Variants in LRP2 observed in about 807,000 individuals in gnomAD.
LRP2 encodes low-density lipoprotein receptor-related protein 2.
In LRP2, 172 loss-of-function variants were observed where a neutral mutation model predicts 531.0. That is an observed-to-expected ratio of 0.32 (90% CI 0.29 to 0.37). The LOEUF is 0.37. Ranked by LOEUF, LRP2 falls within the 10% of genes least tolerant of loss-of-function variation. The pLI, the probability that LRP2 is intolerant of heterozygous loss-of-function variation, is 1.00. For synonymous variants in LRP2, 1,992 were observed against 2,027.6 expected (o/e 0.98, Z 0.47); for missense variants, 5,167 against 5,868.3 (o/e 0.88, Z 3.90).
chr2:169,236,132 T>G (rs1033076864), intron 28 of LRP2, 64 bp from the exon 29 acceptor site: 6 of 1,147,254 alleles, frequency 5.2e-6, no homozygotes, highest in Non-Finnish European at 7.7e-6. Flanking sequence ...TAACTGTCAT[T>G]TTAAATAATA....
chr2:169,362,225 C>G, intron 1 of LRP2, 96 bp downstream of exon 1: 2 of 1,116,262 alleles, frequency 1.8e-6, no homozygotes, highest in Non-Finnish European at 2.6e-6. Context: ...GCCCTAGCCC[C>G]TGCCCGGACG....
intron 1 of LRP2, among the ~76,000 whole-genome samples, chr2:169,328,966 G>A (rs1206819922): frequency 6.6e-6 from 1 of 152,172 alleles, no homozygotes; most frequent in Non-Finnish European, 1.5e-5. Context: ...TCATAGATGA[G>A]GACGACAAGG....
intron 9 of LRP2, among the ~76,000 whole-genome samples, chr2:169,284,621 T>A (rs1333312239): frequency 6.6e-6 from 1 of 151,992 alleles, no homozygotes; most frequent in Non-Finnish European, 1.5e-5. Flanking sequence ...CATAACAACA[T>A]GAGCCAGCAT....
chr2:169,289,240 A>G, intron 8 of LRP2, 95 bp from the exon 9 acceptor site: 1 of 1,484,220 alleles, frequency 6.7e-7, no homozygotes, highest in Non-Finnish European at 9.4e-7. Context: ...GCAGCTCAGT[A>G]AGCATGAAGT....
chr2:169,246,523 C>G (rs1282123947), intron 21 of LRP2, among the ~76,000 whole-genome samples, 182 bp downstream of exon 21: 1 of 152,194 alleles, frequency 6.6e-6, no homozygotes, highest in Non-Finnish European at 1.5e-5. Flanking sequence ...AGAAACCATC[C>G]ATAACATTAT....
rs962544275 is a variant in LRP2 at position 169,176,317 on chromosome 2, T to A, written c.10571+94A>T. ...ACCAAGTTAATTAACCAAAATCTTG[T>A]CTCACTAGAAAACTCCCATCCCTTG... On this transcript the variant is annotated intron_variant, in intron 54 of 78. Coordinates refer to ENST00000649046, the MANE Select transcript of LRP2 (RefSeq NM_004525.3). 35 of 1,441,886 alleles carry A rather than the reference T, an allele frequency of 2.4e-5. No individual in the cohort carries two copies. The East Asian group carries it at 8.1e-4, about 33-fold the overall frequency. 89.3% of individuals were successfully genotyped at this position (1,441,886 alleles called of 1,614,324 possible).
chr2:169,344,058 T>C (rs1220886225), intron 1 of LRP2, among the ~76,000 whole-genome samples: 2 of 152,186 alleles, frequency 1.3e-5, no homozygotes, highest in Non-Finnish European at 1.5e-5. Context: ...CCTCAGAGAA[T>C]GCAATGGCAT....
Position 169,277,749 on chromosome 2 carries a change from G to C in LRP2, c.1768C>G (p.Gln590Glu). 1.9e-6 allele frequency: 3 copies of C among 1,613,664 alleles called. No homozygotes were observed. Among genetic ancestry groups the C allele is most frequent in the Non-Finnish European group, 2.5e-6 (3 of 1,179,706 alleles). The change falls in exon 13 of 79, where the codon CAA becomes GAA. Residue 590 changes from glutamine to glutamate, a missense_variant. Around this residue, in one of 6 missense-constraint regions of LRP2, gnomAD observed 2,811 missense variants for 3,058.0 expected, o/e 0.92. Transcript: ENST00000649046. ...GCCATAAAAAATACTTCTTACCTTTGAATTCCATCATAAGTTACAGTTTCA... is the reference window on the plus strand; with the variant it reads ...GCCATAAAAAATACTTCTTACCTTTCAATTCCATCATAAGTTACAGTTTCA... The part of the protein sequence containing the change: ...YIETVTYDGI[Q>E]RKTVVHGGSL...
chr2:169,342,149 G>T (rs1027130729), intron 1 of LRP2, among the ~76,000 whole-genome samples: 1 of 150,780 alleles, frequency 6.6e-6, no homozygotes, highest in South Asian at 2.1e-4. Context: ...AATGTCACAC[G>T]CTATGCCCAG....
intron 63 of LRP2, among the ~76,000 whole-genome samples, chr2:169,160,657 G>A (rs755113960): frequency 1.6e-4 from 19 of 121,266 alleles, no homozygotes; most frequent in Non-Finnish European, 2.8e-4. Flanking sequence ...TTCCATACCC[G>A]AATTGTTTGT....
intron 16 of LRP2, 24 bp downstream of exon 16, chr2:169,270,870 TACACACACAC>T: frequency 7.2e-7 from 1 of 1,392,364 alleles, no homozygotes; most frequent in Non-Finnish European, 9.9e-7. Context: ...AAAACACGCA[TACACACACAC>T]ACACACACAC....
intron 4 of LRP2, among the ~76,000 whole-genome samples, chr2:169,297,639 C>T (rs1037029919): frequency 1.3e-5 from 2 of 152,088 alleles, no homozygotes; most frequent in Non-Finnish European, 2.9e-5. Context: ...GGGAGCTGCC[C>T]CAAAATTATG....
chr2:169,200,689 T>C (rs933631770), intron 44 of LRP2, among the ~76,000 whole-genome samples: 1 of 152,202 alleles, frequency 6.6e-6, no homozygotes, highest in African/African-American at 2.4e-5. Context: ...AAGCAAAAGG[T>C]ATTTATCCTG....
chr2:169,138,446 T>G, intron 75 of LRP2, 131 bp downstream of exon 75: 1 of 946,064 alleles, frequency 1.1e-6, no homozygotes, highest in Non-Finnish European at 1.6e-6. Context: ...TCCTAACTTG[T>G]GTAGTGCAGA....
chr2:169,138,624 C>T lies in LRP2; in HGVS notation c.13471G>A (p.Val4491Met). Residue 4491 changes from valine (V) to methionine (M), a missense_variant, in exon 75 of 79, where the codon GTG (valine) becomes ATG (methionine). Val to Met is a conservative substitution (Grantham distance 21). This residue lies in a region of LRP2 where 348 missense variants were observed against 369.3 expected (regional missense o/e 0.94). Transcript: ENST00000649046. ...GCAGTCTCAGGTCCAAAACCAGACA[C>T]TCCAATATCCATGTTAAGATCTGCC... ...SGADLNMDIG[V>M]SGFGPETAID... 6.2e-7 allele frequency: 1 copy of T among 1,614,052 alleles called. No homozygotes were observed. The highest frequency in any genetic ancestry group is 1.1e-5 in the South Asian group (1 of 91,078).
At chr2:169,129,291 G>A (rs901523744) in intron 77 of LRP2, among the ~76,000 whole-genome samples, 1 of 152,106 alleles carries the variant, frequency 6.6e-6, no homozygotes, top group African/African-American at 2.4e-5. Context: ...TCTTTTAATC[G>A]AATGGTTTTA....
At chr2:169,239,861 G>A in intron 25 of LRP2, 86 bp from the exon 26 acceptor site, 1 of 1,161,400 alleles carries the variant, frequency 8.6e-7, no homozygotes, top group South Asian at 1.3e-5. Context: ...TTATTATGCA[G>A]TCTCATGCCA....
chr2:169,263,406 AC>A (rs1259435796), intron 16 of LRP2, among the ~76,000 whole-genome samples: 7 of 151,538 alleles, frequency 4.6e-5, no homozygotes, highest in African/African-American at 1.5e-4. Flanking sequence ...CAAGAAAAAA[AC>A]AAACAACCCC....
intron 33 of LRP2, among the ~76,000 whole-genome samples, chr2:169,224,003 A>G (rs1689110162): frequency 6.6e-6 from 1 of 152,088 alleles, no homozygotes; most frequent in South Asian, 2.1e-4. Context: ...AAAAACAGTC[A>G]TCTGCACTCA....
Sources: allele counts gnomAD v4.1 joint callset (sites outside exome capture counted in the v4.1 genomes callset), GRCh38; gene constraint gnomAD v4.1.1; regional missense constraint gnomAD v4.1.1; transcripts MANE v1.5; gene names NCBI Gene and HGNC (gene_info 2026-07-23, HGNC 2026-07-21).